The following ABCA10 variants were observed in gnomAD, a reference collection of about 807,000 sequenced individuals.
ABCA10 encodes the protein ATP binding cassette subfamily A member 10.
ABCA10 carries 169 observed loss-of-function variants against 187.5 expected under a neutral mutation model. The ratio of observed to expected loss-of-function variants is 0.90; its 90% CI spans 0.80 to 1.02. ABCA10 has a LOEUF of 1.02. Ranked by LOEUF, ABCA10 falls within the 50% of genes least tolerant of loss-of-function variation. The probability of loss-of-function intolerance (pLI) is 0.00; values close to 1 mark genes in which losing one functional copy is unlikely to be tolerated. For synonymous variants in ABCA10, 574 were observed against 601.8 expected, an observed-to-expected ratio of 0.95 and a Z score of 0.68; for missense variants, 1,727 against 1,812.4, an observed-to-expected ratio of 0.95 and a Z score of 0.86.
chr17:69,223,703 A>G, intron 3 of ABCA10: 1 of 437,610 alleles, frequency 2.3e-6, no homozygotes, highest in South Asian at 1.6e-5. Flanking sequence ...AACATCACTG[A>G]TTTTCTCTAG....
At chr17:69,201,789 TATA>T (rs2074547929) in intron 9 of ABCA10, 121 bp from the exon 10 acceptor site, 1 of 918,468 alleles carries the variant, frequency 1.1e-6, no homozygotes, top group Non-Finnish European at 1.5e-6. Context: ...CATTTATATT[TATA>T]ATTTTTTTTT....
intron 5 of ABCA10, among the ~76,000 whole-genome samples, chr17:69,221,560 G>C (rs756310668): frequency 6.6e-6 from 1 of 152,228 alleles, no homozygotes; most frequent in Non-Finnish European, 1.5e-5. Flanking sequence ...ACTGAGGAAA[G>C]ACATTAGGGA....
At chr17:69,150,799 TG>T (rs2074121712) in intron 36 of ABCA10, among the ~76,000 whole-genome samples, 2 of 152,208 alleles carry the variant, frequency 1.3e-5, no homozygotes, top group Non-Finnish European at 2.9e-5. Flanking sequence ...GTATGTGTAG[TG>T]ACTACCATCC....
At chr17:69,201,176 T>C (rs1270374735) in intron 10 of ABCA10, among the ~76,000 whole-genome samples, 1 of 152,186 alleles carries the variant, frequency 6.6e-6, no homozygotes, top group Non-Finnish European at 1.5e-5. Flanking sequence ...GTATAATATA[T>C]ACTTATATAC....
chr17:69,164,892 C>T lies in ABCA10; in HGVS notation c.3282+72G>A, dbSNP rs762160646. The T allele has an allele frequency of 2.7e-5, 40 of 1,493,644 alleles. 2 individuals carry two copies. Among genetic ancestry groups the T allele is most frequent in the South Asian group, 1.8e-4 (13 of 72,474 alleles). The allele number at this position is 1,493,644 out of a possible 1,614,324, so 92.5% of individuals were successfully genotyped here. ...CAAAATTTTATAAATGCACCTGTTC[C>T]GACAATGGGTAAGGATTTTATTAAT... is the stretch of plus-strand genomic sequence containing the variant. On this transcript the variant is annotated intron_variant, in intron 26 of 38. Transcript: ENST00000690296.
intron 1 of ABCA10, among the ~76,000 whole-genome samples, chr17:69,236,498 C>T (rs2074872146): frequency 6.6e-6 from 1 of 152,152 alleles, no homozygotes; most frequent in Non-Finnish European, 1.5e-5. Context: ...GTATTTATTA[C>T]AAGATTAGAA....
intron 9 of ABCA10, among the ~76,000 whole-genome samples, chr17:69,211,318 T>TAG (rs1256903079): frequency 9.0e-4 from 3 of 3,336 alleles, no homozygotes; most frequent in African/African-American, 5.5e-3. Flanking sequence ...ATATATGATA[T>TAG]ATATATATAT....
intron 3 of ABCA10, among the ~76,000 whole-genome samples, chr17:69,224,618 T>A (rs2074778392): frequency 6.7e-6 from 1 of 149,794 alleles, no homozygotes; most frequent in South Asian, 2.1e-4. Flanking sequence ...TACATCAAAT[T>A]AATGCAGCAT....
At chr17:69,199,270 T>C (rs1233788281) in intron 10 of ABCA10, among the ~76,000 whole-genome samples, 2 of 152,226 alleles carry the variant, frequency 1.3e-5, no homozygotes, top group Non-Finnish European at 2.9e-5. Flanking sequence ...CTACTACTTA[T>C]CAGTTATCTA....
intron 27 of ABCA10, among the ~76,000 whole-genome samples, chr17:69,160,409 C>G (rs1201117310): frequency 6.6e-6 from 1 of 152,100 alleles, no homozygotes; most frequent in Non-Finnish European, 1.5e-5. Flanking sequence ...GAGATTGAGA[C>G]CATCCTGGCC....
In ABCA10 at chr17:69,198,941, C is replaced by T. The variant is rs946272850; in HGVS notation, c.1176-1819G>A. Among the ~76,000 whole-genome samples, 6 of 152,324 alleles carry T rather than the reference C, an allele frequency of 3.9e-5. No homozygotes were observed. In the East Asian group the frequency reaches 1.2e-3, roughly 29 times the overall value. ...ATACAGGATAGCCTAATCTCCTTAC[C>T]TTGGCAAGCAAAATCTTCCATGATC... On this transcript the variant is annotated intron_variant, in intron 10 of 38. Coordinates refer to ENST00000690296, the MANE Select transcript of ABCA10 (RefSeq NM_001377321.1).
intron 10 of ABCA10, among the ~76,000 whole-genome samples, chr17:69,201,228 A>G (rs1049410044): frequency 3.9e-5 from 6 of 152,214 alleles, no homozygotes; most frequent in Admixed American, 1.3e-4. Flanking sequence ...TGTGTGTGTT[A>G]GAAGACAAAG....
At chr17:69,181,569 T>C (rs1378921707) in intron 22 of ABCA10, among the ~76,000 whole-genome samples, 1 of 151,996 alleles carries the variant, frequency 6.6e-6, no homozygotes, top group Non-Finnish European at 1.5e-5. Context: ...AAAAAATAAA[T>C]CAGGATAAGG....
chr17:69,228,279 G>T (rs1388961041), intron 1 of ABCA10, among the ~76,000 whole-genome samples: 2 of 151,816 alleles, frequency 1.3e-5, no homozygotes, highest in Non-Finnish European at 2.9e-5. Context: ...ACATTCTAAA[G>T]AAGTAAAACC....
In ABCA10 at chr17:69,225,333, A is replaced by C; in HGVS notation, c.26T>G (p.Phe9Cys). 3.1e-6 allele frequency: 5 copies of C among 1,613,326 alleles called. No homozygotes were observed. The highest frequency in any genetic ancestry group is 4.2e-6 in the Non-Finnish European group (5 of 1,179,462). The change falls in exon 3 of 39, where the codon TTT (phenylalanine) becomes TGT (cysteine). Residue 9 changes from phenylalanine (F) to cysteine (C), a missense_variant. Physicochemically the swap from Phe to Cys is radical, Grantham distance 205. Coordinates refer to ENST00000690296, the MANE Select transcript of ABCA10 (RefSeq NM_001377321.1). ...GTTATTGGACAACACACCTTTCATA[A>C]AGGAAGCCAAGGCCATCTTATTCAT... MNKMALAS[F>C]MKGRTVIGTP...
chr17:69,219,489 G>T, intron 6 of ABCA10, 56 bp downstream of exon 6: 1 of 1,277,096 alleles, frequency 7.8e-7, no homozygotes, highest in Non-Finnish European at 1.1e-6. Context: ...TAAGAACCTA[G>T]TTAGTTTCTC....
intron 9 of ABCA10, among the ~76,000 whole-genome samples, chr17:69,210,866 G>A (rs2074641789): frequency 9.1e-6 from 1 of 109,698 alleles, no homozygotes; most frequent in Non-Finnish European, 1.6e-5. Context: ...ATATATATAT[G>A]CCATATTTCC....
In ABCA10 at chr17:69,177,968, AAAAAAAT is replaced by A. The variant is rs1381096585; in HGVS notation, c.2770-2462_2770-2456del. 9.0e-5 allele frequency among the ~76,000 whole-genome samples: 4 copies of A among 44,482 alleles called. 1 individual carries two copies. Among genetic ancestry groups the A allele is most frequent in the African/African-American group, 2.1e-4 (4 of 18,614 alleles). 29.2% of individuals were successfully genotyped at this position (44,482 alleles called of 152,430 possible). A position where few individuals can be genotyped will look rare whatever the true frequency, so the allele number is the denominator to read the frequency against. On this transcript the variant is annotated intron_variant, in intron 22 of 38. Coordinates refer to ENST00000690296, the MANE Select transcript of ABCA10 (RefSeq NM_001377321.1). ...GAGACTCCATTTCAAAAAAAAAAAA[AAAAAAAT>A]ATATATATATATATATGTTATATAT...
At chr17:69,200,896 A>G (rs1410581934) in intron 10 of ABCA10, among the ~76,000 whole-genome samples, 1 of 152,094 alleles carries the variant, frequency 6.6e-6, no homozygotes, top group South Asian at 2.1e-4. Context: ...TATTTTTTGT[A>G]AAGACAGGGT....
Sources: allele counts gnomAD v4.1 joint callset (sites outside exome capture counted in the v4.1 genomes callset), GRCh38; gene constraint gnomAD v4.1.1; transcripts MANE v1.5; gene names NCBI Gene and HGNC (gene_info 2026-07-23, HGNC 2026-07-21).